EIF2B3: variants seen among roughly 807,000 people sequenced by gnomAD.
The protein encoded by EIF2B3 is eukaryotic translation initiation factor 2B subunit gamma.
EIF2B3 carries 20 observed loss-of-function variants against 54.1 expected under a neutral mutation model. The ratio of observed to expected loss-of-function variants is 0.37; its 90% CI spans 0.26 to 0.54. The LOEUF (loss-of-function observed/expected upper bound fraction) is 0.54, where lower values mean the gene tolerates loss of function less well. Ranked by LOEUF, EIF2B3 falls within the 20% of genes least tolerant of loss-of-function variation. EIF2B3 has a pLI of 0.86. For missense variants in EIF2B3, 448 were observed against 547.8 expected, an observed-to-expected ratio of 0.82 and a Z score of 1.82; for synonymous variants, 153 against 188.1, an observed-to-expected ratio of 0.81 and a Z score of 1.52.
intron 3 of EIF2B3, among the ~76,000 whole-genome samples, chr1:44,949,051 TACAG>T (rs2148947194): frequency 6.6e-6 from 1 of 152,286 alleles, no homozygotes; most frequent in African/African-American, 2.4e-5. Context: ...ACATTTTTAG[TACAG>T]ACAGTGTTTC....
chr1:44,876,279 C>T (rs1655141129), intron 8 of EIF2B3, among the ~76,000 whole-genome samples: 1 of 150,968 alleles, frequency 6.6e-6, no homozygotes, highest in African/African-American at 2.4e-5. Context: ...TTCCCCGCTG[C>T]CATCCCATCT....
At chr1:44,965,446 G>A (rs1312518380) in intron 3 of EIF2B3, among the ~76,000 whole-genome samples, 6 of 151,794 alleles carry the variant, frequency 4.0e-5, no homozygotes, top group Non-Finnish European at 7.4e-5. Flanking sequence ...TTTAGAACAG[G>A]TTTAGAACTA....
At chr1:44,950,291 G>C (rs1644146616) in intron 3 of EIF2B3, among the ~76,000 whole-genome samples, 1 of 152,094 alleles carries the variant, frequency 6.6e-6, no homozygotes, top group South Asian at 2.1e-4. Context: ...AGGCATGGTG[G>C]TGCATGCCTG....
At chr1:44,927,005 C>T (rs1264853207) in intron 4 of EIF2B3, among the ~76,000 whole-genome samples, 4 of 150,612 alleles carry the variant, frequency 2.7e-5, no homozygotes, top group East Asian at 3.9e-4. Context: ...TGTGGTGTTA[C>T]GCCCTGTAGT....
chr1:44,919,883 C>CTTT (rs1194645004), intron 5 of EIF2B3, among the ~76,000 whole-genome samples: 2 of 117,236 alleles, frequency 1.7e-5, no homozygotes, highest in Non-Finnish European at 3.7e-5. Context: ...TGCCTGGCTA[C>CTTT]TTTTTTTTTT....
intron 10 of EIF2B3, among the ~76,000 whole-genome samples, chr1:44,862,039 A>T (rs906948853): frequency 2.0e-5 from 3 of 152,210 alleles, no homozygotes; most frequent in African/African-American, 7.2e-5. Context: ...ATGGAAAGAT[A>T]GGACCTTATC....
intron 3 of EIF2B3, chr1:44,958,688 A>C (rs934254792): frequency 6.3e-6 from 10 of 1,598,594 alleles, no homozygotes; most frequent in Non-Finnish European, 8.6e-6. Context: ...TTAGTCGCTC[A>C]CCAGCTATCT....
At chr1:44,884,589 T>C (rs544541811) in intron 6 of EIF2B3, among the ~76,000 whole-genome samples, 2 of 152,254 alleles carry the variant, frequency 1.3e-5, no homozygotes, top group Non-Finnish European at 2.9e-5. Context: ...GATCCTTTGA[T>C]GAAGATTTAA....
At chr1:44,922,236 TG>T (rs755436761) in intron 5 of EIF2B3, among the ~76,000 whole-genome samples, 3 of 151,574 alleles carry the variant, frequency 2.0e-5, no homozygotes, top group South Asian at 4.2e-4. Flanking sequence ...ACTTTAGGAT[TG>T]TTTTTTCTAT....
At chr1:44,880,113 G>T in intron 7 of EIF2B3, 105 bp from the exon 8 acceptor site, 1 of 1,267,966 alleles carries the variant, frequency 7.9e-7, no homozygotes, top group Non-Finnish European at 1.1e-6. Flanking sequence ...ACGAGGTCTT[G>T]CTATGTTGCC....
At chr1:44,901,636 G>GC (rs1557677631) in intron 5 of EIF2B3, among the ~76,000 whole-genome samples, 1 of 140,610 alleles carries the variant, frequency 7.1e-6, no homozygotes, top group Admixed American at 7.9e-5. Flanking sequence ...ACAGCTCACT[G>GC]CCCCCTCAAC....
chr1:44,880,893 G>A (rs1263133013), intron 7 of EIF2B3, among the ~76,000 whole-genome samples: 1 of 151,966 alleles, frequency 6.6e-6, no homozygotes, highest in African/African-American at 2.4e-5. Context: ...CCCGGGAGGC[G>A]GAGCTTGCAG....
chr1:44,952,779 C>T (rs928273113), intron 3 of EIF2B3, among the ~76,000 whole-genome samples: 3 of 151,274 alleles, frequency 2.0e-5, no homozygotes, highest in Admixed American at 2.0e-4. Context: ...GTCTCGATCT[C>T]CTTACCTCGT....
intron 11 of EIF2B3, 28 bp downstream of exon 11, chr1:44,857,676 T>C (rs776084152): frequency 9.3e-6 from 15 of 1,607,568 alleles, no homozygotes; most frequent in African/African-American, 1.3e-5. Flanking sequence ...GAAGTAAAAA[T>C]GGAATCTGTG....
chr1:44,969,147 T>C (rs948879313), intron 3 of EIF2B3, among the ~76,000 whole-genome samples: 1 of 152,264 alleles, frequency 6.6e-6, no homozygotes, highest in South Asian at 2.1e-4. Context: ...CAGATAATCA[T>C]GTACCTGCAG....
At chr1:44,866,125 T>C (rs1247989376) in intron 10 of EIF2B3, among the ~76,000 whole-genome samples, 3 of 151,952 alleles carry the variant, frequency 2.0e-5, no homozygotes, top group African/African-American at 4.8e-5. Context: ...TAGCCAGGCA[T>C]GGTGGCTCAC....
Position 44,879,979 on chromosome 1 carries a change from T to C in EIF2B3, c.814A>G (p.Thr272Ala). 1 of 1,614,246 alleles carries C rather than the reference T, an allele frequency of 6.2e-7. No homozygotes were observed. Among genetic ancestry groups the C allele is most frequent in the Non-Finnish European group, 8.5e-7 (1 of 1,180,044 alleles). Residue 272 changes from threonine to alanine, a missense_variant, in exon 8 of 12, where the codon ACA becomes GCA. Thr to Ala is a moderately conservative substitution (Grantham distance 58). Transcript: ENST00000360403. ...DIYSFIKEAN[T>A]LNLAPYDACW... ...GCATCATAGGGAGCCAGGTTCAGTG[T>C]ATTGGCTTCTTTTATAAAACTGTAG...
chr1:44,915,987 A>C (rs971375177), intron 5 of EIF2B3, among the ~76,000 whole-genome samples: 1 of 152,158 alleles, frequency 6.6e-6, no homozygotes, highest in Non-Finnish European at 1.5e-5. Flanking sequence ...CTAACTTCCT[A>C]CTATGAAAGA....
At chr1:44,878,315 T>G (rs1017694111) in intron 8 of EIF2B3, among the ~76,000 whole-genome samples, 1 of 152,026 alleles carries the variant, frequency 6.6e-6, no homozygotes, top group Non-Finnish European at 1.5e-5. Flanking sequence ...CAGGCTGGAG[T>G]GCAGTGGCAC....
Sources: gnomAD v4.1 joint callset for allele counts (sites outside exome capture counted in the v4.1 genomes callset) on GRCh38, gnomAD v4.1.1 for gene constraint, MANE v1.5 for transcripts, NCBI Gene and HGNC (gene_info 2026-07-23, HGNC 2026-07-21) for gene names.